EYS: variants seen among roughly 807,000 people sequenced by gnomAD.
EYS encodes the protein protein eyes shut homolog.
In EYS, 250 loss-of-function variants were observed where a neutral mutation model predicts 282.1. The ratio of observed to expected loss-of-function variants is 0.89; its 90% CI spans 0.80 to 0.98. The LOEUF (loss-of-function observed/expected upper bound fraction) is 0.98. EYS is among the 50% of genes least tolerant of loss of function. The probability of loss-of-function intolerance (pLI) is 0.00; values close to 1 mark genes in which losing one functional copy is unlikely to be tolerated. For synonymous variants in EYS, 1,355 were observed against 1,282.9 expected (o/e 1.06, Z -1.20); for missense variants, 4,016 against 3,709.0 (o/e 1.08, Z -2.15).
At chr6:64,512,875 ACT>A (rs1415713694) in intron 26 of EYS, among the ~76,000 whole-genome samples, 2 of 150,794 alleles carry the variant, frequency 1.3e-5, no homozygotes, top group South Asian at 2.1e-4. Flanking sequence ...GCAATAAAAC[ACT>A]CTGTTTTATG....
rs1064796020 is a variant in EYS, at chr6:63,788,173, AC to A, written c.7654del (p.Val2552Ter). 1.3e-6 allele frequency: 2 copies of A among 1,548,696 alleles called. No homozygotes were observed. The highest frequency in any genetic ancestry group is 1.7e-6 in the Non-Finnish European group (2 of 1,145,778). The stretch of plus-strand genomic sequence containing the variant: ...TGGAGTGTATTCACTGTAGCCACCT[AC>A]ATAAAACTGACTGAAGACATTGAGA... Reference protein sequence around the residue: ...VGLNVFSQFYVGGYSEYTPDL... With the variant: ...VGLNVFSQFYXGGYSEYTPDL... On this transcript the variant is annotated frameshift_variant, in exon 39 of 43. Coordinates refer to ENST00000503581, the MANE Select transcript of EYS (RefSeq NM_001142800.2). LOFTEE classifies it high-confidence loss of function.
intron 14 of EYS, among the ~76,000 whole-genome samples, chr6:64,963,804 CAA>C (rs1770005909): frequency 6.6e-6 from 1 of 152,064 alleles, no homozygotes; most frequent in South Asian, 2.1e-4. Context: ...TTTTGTATAT[CAA>C]AAGTTCACTG....
At chr6:64,768,376 G>T (rs2149983927) in intron 22 of EYS, among the ~76,000 whole-genome samples, 1 of 152,198 alleles carries the variant, frequency 6.6e-6, no homozygotes, top group Admixed American at 6.6e-5. Context: ...TTTAGCAAGA[G>T]GAATACTCAC....
intron 22 of EYS, among the ~76,000 whole-genome samples, chr6:64,781,576 CAAAA>C (rs5876923): frequency 2.2e-4 from 19 of 87,722 alleles, no homozygotes; most frequent in South Asian, 7.6e-4. Flanking sequence ...GACTCCGTCT[CAAAA>C]AAAAAAAAAA....
chr6:64,912,507 T>C lies in EYS; in HGVS notation c.2618A>G (p.Asn873Ser). The C allele has an allele frequency of 6.4e-7, 1 of 1,551,198 alleles. No individual in the cohort carries two copies. The highest frequency in any genetic ancestry group is 8.7e-7 in the Non-Finnish European group (1 of 1,146,598). The change falls in exon 16 of 43, where the codon AAT becomes AGT. Residue 873 changes from asparagine (N) to serine (S), a missense_variant. Asn to Ser is a conservative substitution (Grantham distance 46). Transcript: ENST00000503581. ...ACCTTCTCTACAAATACAATGCTGA[T>C]TTGCGTCTACCAAAGCTAAGCATGT... ...NSTCLALVDANQHCICREEFE... is the reference protein window; with the variant it reads ...NSTCLALVDASQHCICREEFE...
At chr6:65,292,360 A>G (rs1333877920) in intron 12 of EYS, among the ~76,000 whole-genome samples, 1 of 151,760 alleles carries the variant, frequency 6.6e-6, no homozygotes. Context: ...TATAAGGGCT[A>G]GGTTAATTAA....
At chr6:65,337,673 T>TAA (rs2150315432) in intron 10 of EYS, among the ~76,000 whole-genome samples, 1 of 151,206 alleles carries the variant, frequency 6.6e-6, no homozygotes, top group African/African-American at 2.4e-5. Context: ...GCTATAAAGC[T>TAA]ATATTTTCTA....
intron 12 of EYS, among the ~76,000 whole-genome samples, chr6:65,116,042 C>T (rs1408340317): frequency 6.6e-6 from 1 of 151,836 alleles, no homozygotes; most frequent in African/African-American, 2.4e-5. Flanking sequence ...TATTTAAATG[C>T]TGGCTTGACA....
chr6:64,316,603 A>G (rs1769975211), intron 29 of EYS, among the ~76,000 whole-genome samples: 1 of 152,196 alleles, frequency 6.6e-6, no homozygotes, highest in Admixed American at 6.5e-5. Context: ...GCTCAAGGAT[A>G]GGAAGAATCA....
At chr6:64,473,439 C>G (rs1476402755) in intron 26 of EYS, among the ~76,000 whole-genome samples, 4 of 152,080 alleles carry the variant, frequency 2.6e-5, no homozygotes, top group Admixed American at 6.5e-5. Context: ...AGTCTGCAGT[C>G]AGTACCAACT....
intron 14 of EYS, among the ~76,000 whole-genome samples, chr6:64,981,920 A>G (rs1770681861): frequency 6.6e-6 from 1 of 151,332 alleles, no homozygotes; most frequent in South Asian, 2.1e-4. Context: ...CTGTGTCTCC[A>G]AAGAATTAAA....
At chr6:65,570,719 T>C (rs896171362) in intron 2 of EYS, among the ~76,000 whole-genome samples, 2 of 152,176 alleles carry the variant, frequency 1.3e-5, no homozygotes, top group East Asian at 1.9e-4. Flanking sequence ...AAATGGAAGC[T>C]GAATAAAGTC....
At chr6:64,539,987 T>G (rs1435593316) in intron 26 of EYS, among the ~76,000 whole-genome samples, 1 of 152,186 alleles carries the variant, frequency 6.6e-6, no homozygotes, top group Non-Finnish European at 1.5e-5. Flanking sequence ...TTGAAAAGTT[T>G]CCTCCTACTC....
chr6:64,452,305 T>C (rs895117983), intron 26 of EYS, among the ~76,000 whole-genome samples: 1 of 152,088 alleles, frequency 6.6e-6, no homozygotes, highest in African/African-American at 2.4e-5. Context: ...TTACAAGGGA[T>C]GTGAAGGACC....
At chr6:63,868,009 G>A (rs1480581731) in intron 35 of EYS, among the ~76,000 whole-genome samples, 1 of 151,898 alleles carries the variant, frequency 6.6e-6, no homozygotes, top group African/African-American at 2.4e-5. Flanking sequence ...TCTGTTTTTG[G>A]GCTATGTTTT....
chr6:64,792,625 C>T (rs1300782435), intron 22 of EYS, among the ~76,000 whole-genome samples: 2 of 151,866 alleles, frequency 1.3e-5, no homozygotes, highest in African/African-American at 4.8e-5. Context: ...ACCTAAAACT[C>T]CAAAGCACAG....
At chr6:64,156,272 T>C (rs998396426) in intron 31 of EYS, among the ~76,000 whole-genome samples, 4 of 152,024 alleles carry the variant, frequency 2.6e-5, no homozygotes, top group African/African-American at 7.2e-5. Flanking sequence ...GGTTTCTGCT[T>C]TTGCATCTTC....
At chr6:65,498,842 CA>C (rs1400683213) in intron 2 of EYS, among the ~76,000 whole-genome samples, 2 of 151,930 alleles carry the variant, frequency 1.3e-5, no homozygotes, top group Admixed American at 6.6e-5. Flanking sequence ...TTTATAAAGA[CA>C]TTCTTCAAAC....
intron 35 of EYS, among the ~76,000 whole-genome samples, chr6:63,960,262 A>G (rs749893156): frequency 6.6e-6 from 1 of 152,222 alleles, no homozygotes; most frequent in Non-Finnish European, 1.5e-5. Context: ...AGTGGAACAC[A>G]TAATTGCAGA....
Sources: gnomAD v4.1 joint callset for allele counts (sites outside exome capture counted in the v4.1 genomes callset) on GRCh38, gnomAD v4.1.1 for gene constraint, MANE v1.5 for transcripts, NCBI Gene and HGNC (gene_info 2026-07-23, HGNC 2026-07-21) for gene names.